Variants in USP13 observed in about 807,000 individuals in gnomAD.
USP13 encodes ubiquitin carboxyl-terminal hydrolase 13.
In USP13, 68 loss-of-function variants were observed where a neutral mutation model predicts 107.8. The observed-to-expected ratio is 0.63, with a 90% CI of 0.52 to 0.77. USP13 has a LOEUF of 0.77. Among genes scored for constraint, USP13 ranks in the 30% least tolerant of loss-of-function variants. The pLI is 0.00. For missense variants in USP13, 945 were observed against 1,093.3 expected, an observed-to-expected ratio of 0.86 and a Z score of 1.91; for synonymous variants, 377 against 389.5, an observed-to-expected ratio of 0.97 and a Z score of 0.38.
At chr3:179,674,567 G>T (rs1720839120) in intron 1 of USP13, among the ~76,000 whole-genome samples, 1 of 151,754 alleles carries the variant, frequency 6.6e-6, no homozygotes. Flanking sequence ...TGGGGCCATT[G>T]CTACATTATT....
At chr3:179,740,878 T>C (rs997412984) in intron 11 of USP13, among the ~76,000 whole-genome samples, 5 of 151,724 alleles carry the variant, frequency 3.3e-5, no homozygotes, top group Admixed American at 6.6e-5. Context: ...GCAATTCTAC[T>C]GCCTCAGCCT....
chr3:179,662,370 C>A (rs768873436), intron 1 of USP13, among the ~76,000 whole-genome samples: 9 of 152,204 alleles, frequency 5.9e-5, no homozygotes, highest in Non-Finnish European at 1.2e-4. Context: ...TTCACCCCAT[C>A]TTCCAGAGTT....
At chr3:179,679,794 GTTTTTTTTTTTTTTT>G (rs57620088) in intron 1 of USP13, among the ~76,000 whole-genome samples, 1 of 97,434 alleles carries the variant, frequency 1.0e-5, no homozygotes, top group Non-Finnish European at 2.0e-5. Flanking sequence ...CCTATCCTTA[GTTTTTTTTTTTTTTT>G]TTTTTTTTTT....
At chr3:179,654,886 T>C (rs1490248400) in intron 1 of USP13, among the ~76,000 whole-genome samples, 6 of 152,240 alleles carry the variant, frequency 3.9e-5, no homozygotes, top group Non-Finnish European at 8.8e-5. Context: ...TTATGGTAAC[T>C]CCATATCATT....
At chr3:179,688,109 C>A (rs1711947359) in intron 2 of USP13, among the ~76,000 whole-genome samples, 1 of 150,136 alleles carries the variant, frequency 6.7e-6, no homozygotes, top group African/African-American at 2.5e-5. Context: ...GTCCATCCAT[C>A]CATCCATCCA....
chr3:179,688,210 C>CATCT (rs1711962538), intron 2 of USP13, among the ~76,000 whole-genome samples: 2 of 139,434 alleles, frequency 1.4e-5, no homozygotes, highest in Admixed American at 7.6e-5. Flanking sequence ...TCCATCCATC[C>CATCT]ATCCATCCAT....
chr3:179,657,779 A>G (rs1052875501), intron 1 of USP13, among the ~76,000 whole-genome samples: 1 of 150,620 alleles, frequency 6.6e-6, no homozygotes, highest in African/African-American at 2.5e-5. Context: ...AAAAAAAAAA[A>G]AAAAAAAGAA....
chr3:179,723,997 TA>T lies in USP13; in HGVS notation c.1088+2422del, dbSNP rs398040150. ...GTTAGATCCCATCCCTACAAAAATT[TA>T]AAAAAAAAAAAAATAGCCGGGCGTG... is the stretch of plus-strand genomic sequence containing the variant. On this transcript the variant is annotated intron_variant, in intron 8 of 20. Coordinates refer to ENST00000263966, the MANE Select transcript of USP13 (RefSeq NM_003940.3). 2.6e-3 allele frequency among the ~76,000 whole-genome samples: 366 copies of T among 140,460 alleles called. 1 individual carries two copies. The highest frequency in any genetic ancestry group is 3.7e-3 in the Middle Eastern group (1 of 268). 92.1% of individuals were successfully genotyped at this position (140,460 alleles called of 152,430 possible).
chr3:179,695,994 G>C (rs538140011), intron 3 of USP13, among the ~76,000 whole-genome samples: 2 of 152,244 alleles, frequency 1.3e-5, no homozygotes, highest in Admixed American at 6.5e-5. Context: ...ACACAGTGTA[G>C]TTTTACTATT....
At chr3:179,725,464 A>G (rs1183610025) in intron 8 of USP13, among the ~76,000 whole-genome samples, 2 of 152,186 alleles carry the variant, frequency 1.3e-5, no homozygotes, top group Non-Finnish European at 2.9e-5. Context: ...TTTGAATGGG[A>G]CTGGCCCAAA....
intron 6 of USP13, among the ~76,000 whole-genome samples, chr3:179,716,251 T>C (rs560268012): frequency 2.0e-5 from 3 of 152,286 alleles, no homozygotes; most frequent in African/African-American, 7.2e-5. Flanking sequence ...AAGGACTTGC[T>C]GAGGTACATC....
chr3:179,788,563 A>G lies in USP13; in HGVS notation c.*4422A>G, dbSNP rs1472626347. On this transcript the variant is annotated 3_prime_UTR_variant, in exon 21 of 21. Transcript: ENST00000263966. ...ATTTAAAATATTTCACCAATATTTC[A>G]TATTGATAACATGCTGAAATGACAC... is the stretch of plus-strand genomic sequence containing the variant. 6.6e-6 allele frequency: 1 copy of G among 152,234 alleles called. No individual in the cohort carries two copies. Among genetic ancestry groups the G allele is most frequent in the Non-Finnish European group, 1.5e-5 (1 of 68,036 alleles). The allele number at this position is 152,234 out of a possible 1,614,324, so 9.4% of individuals were successfully genotyped here. A position where few individuals can be genotyped will look rare whatever the true frequency, so the allele number is the denominator to read the frequency against.
chr3:179,673,703 G>A (rs938499075), intron 1 of USP13, among the ~76,000 whole-genome samples: 2 of 152,162 alleles, frequency 1.3e-5, no homozygotes, highest in Admixed American at 6.5e-5. Context: ...GGCATTGATG[G>A]GGCTGCTGTG....
At chr3:179,655,615 C>T (rs534846395) in intron 1 of USP13, among the ~76,000 whole-genome samples, 9 of 145,322 alleles carry the variant, frequency 6.2e-5, no homozygotes, top group African/African-American at 2.4e-4. Context: ...AGTGCAATGG[C>T]ACAATCTCAG....
At chr3:179,754,975 G>T in intron 15 of USP13, 121 bp downstream of exon 15, 1 of 1,352,134 alleles carries the variant, frequency 7.4e-7, no homozygotes, top group Non-Finnish European at 9.9e-7. Context: ...TAGCTGCCTT[G>T]CTGTGATGTA....
intron 17 of USP13, among the ~76,000 whole-genome samples, chr3:179,762,841 T>C (rs1231349336): frequency 2.0e-5 from 3 of 152,164 alleles, no homozygotes; most frequent in African/African-American, 7.2e-5. Context: ...GCTGAACCAT[T>C]TTACATTTCC....
chr3:179,711,466 G>A (rs1487021122), intron 6 of USP13, among the ~76,000 whole-genome samples: 1 of 152,188 alleles, frequency 6.6e-6, no homozygotes, highest in African/African-American at 2.4e-5. Flanking sequence ...ACCCACCTCG[G>A]CCTCTCAAAG....
chr3:179,710,014 G>A (rs1233356843), intron 6 of USP13, among the ~76,000 whole-genome samples: 1 of 152,130 alleles, frequency 6.6e-6, no homozygotes, highest in Non-Finnish European at 1.5e-5. Flanking sequence ...CTGAGGACTG[G>A]CAGTTAGGTC....
intron 13 of USP13, among the ~76,000 whole-genome samples, chr3:179,750,672 T>C (rs971965816): frequency 6.6e-6 from 1 of 152,218 alleles, no homozygotes; most frequent in African/African-American, 2.4e-5. Context: ...TTATAGCTTT[T>C]ACCTCTTTCA....
Sources: gnomAD v4.1 joint callset for allele counts (sites outside exome capture counted in the v4.1 genomes callset) on GRCh38, gnomAD v4.1.1 for gene constraint, MANE v1.5 for transcripts, NCBI Gene and HGNC (gene_info 2026-07-23, HGNC 2026-07-21) for gene names.